ZBTB20: variants seen among roughly 807,000 people sequenced by gnomAD.
The protein encoded by ZBTB20 is zinc finger and BTB domain containing 20.
ZBTB20 carries 9 observed loss-of-function variants against 56.9 expected under a neutral mutation model. The ratio of observed to expected loss-of-function variants is 0.16; its 90% CI spans 0.10 to 0.28. The LOEUF (loss-of-function observed/expected upper bound fraction) is 0.28, where lower values mean the gene tolerates loss of function less well. Among genes scored for constraint, ZBTB20 ranks in the 10% least tolerant of loss-of-function variants. The pLI, the probability that ZBTB20 is intolerant of heterozygous loss-of-function variation, is 1.00. For synonymous variants in ZBTB20, 417 were observed against 420.7 expected (o/e 0.99, Z 0.11); for missense variants, 655 against 1,003.0 (o/e 0.65, Z 4.69).
intron 2 of ZBTB20, among the ~76,000 whole-genome samples, chr3:115,054,397 C>T (rs2081673033): frequency 6.6e-6 from 1 of 152,040 alleles, no homozygotes; most frequent in African/African-American, 2.4e-5. Flanking sequence ...GTAAGTTTCA[C>T]AACCAACGTC....
chr3:114,923,065 T>C (rs1349947789), intron 3 of ZBTB20, among the ~76,000 whole-genome samples: 1 of 152,124 alleles, frequency 6.6e-6, no homozygotes, highest in Non-Finnish European at 1.5e-5. Context: ...TAGACACTGA[T>C]GAAAGAAACT....
rs558652940 is a variant in ZBTB20 at position 114,331,560 on chromosome 3, A to G, written c.*7445T>C. 6 of 152,318 alleles carry G rather than the reference A, an allele frequency of 3.9e-5. 1 individual carries two copies. The East Asian group carries it at 7.7e-4, about 20-fold the overall frequency. The allele number at this position is 152,318 out of a possible 1,614,324, so 9.4% of individuals were successfully genotyped here. On this transcript the variant is annotated 3_prime_UTR_variant, in exon 12 of 12. Transcript: ENST00000675478. The stretch of plus-strand genomic sequence containing the variant: ...GGGGCACACACACTTCCAGATGACA[A>G]TAAGTATATACACAAACACACACAT...
intron 5 of ZBTB20, among the ~76,000 whole-genome samples, chr3:114,733,200 T>C (rs1270279934): frequency 6.6e-6 from 1 of 152,186 alleles, no homozygotes; most frequent in Non-Finnish European, 1.5e-5. Flanking sequence ...TTACGGGTTC[T>C]ATGAATTCAC....
At chr3:114,850,303 T>C (rs1037475007) in intron 4 of ZBTB20, among the ~76,000 whole-genome samples, 9 of 152,164 alleles carry the variant, frequency 5.9e-5, no homozygotes, top group African/African-American at 2.2e-4. Flanking sequence ...ATGGAAAAAG[T>C]TGATATTTCA....
intron 2 of ZBTB20, among the ~76,000 whole-genome samples, chr3:115,055,977 T>C (rs2081766030): frequency 6.6e-6 from 1 of 152,054 alleles, no homozygotes; most frequent in African/African-American, 2.4e-5. Context: ...TATGACTACA[T>C]AAAAATTGAA....
rs1477760843 is a variant in ZBTB20 at position 114,315,909 on chromosome 3, C to T, written c.*23096G>A. The T allele has an allele frequency of 6.5e-6, 1 of 154,834 alleles. No homozygotes were observed. The highest frequency in any genetic ancestry group is 1.4e-5 in the Non-Finnish European group (1 of 70,374). The allele number at this position is 154,834 out of a possible 1,614,324, so 9.6% of individuals were successfully genotyped here. On this transcript the variant is annotated 3_prime_UTR_variant, in exon 12 of 12. Coordinates refer to ENST00000675478, the MANE Select transcript of ZBTB20 (RefSeq NM_001348800.3). ...AAGGTGCTCAAAGAAAAAAGTGGCA[C>T]CCACTTCTCAAATGGATGGCCACGT...
At chr3:114,880,063 A>C (rs2076342130) in intron 4 of ZBTB20, among the ~76,000 whole-genome samples, 1 of 152,246 alleles carries the variant, frequency 6.6e-6, no homozygotes, top group South Asian at 2.1e-4. Flanking sequence ...TGTACCCTGA[A>C]TGTTTCATGA....
At chr3:114,843,460 T>A (rs529589511) in intron 4 of ZBTB20, among the ~76,000 whole-genome samples, 1 of 152,300 alleles carries the variant, frequency 6.6e-6, no homozygotes, top group East Asian at 1.9e-4. Context: ...TTCAAGCCAG[T>A]AAATGGGGAG....
intron 4 of ZBTB20, among the ~76,000 whole-genome samples, chr3:114,840,599 A>C (rs1469706322): frequency 6.6e-6 from 1 of 152,228 alleles, no homozygotes; most frequent in Admixed American, 6.5e-5. Context: ...AGCTTAAGTC[A>C]GATATAGAGT....
chr3:114,673,914 T>G (rs1006032758), intron 6 of ZBTB20, among the ~76,000 whole-genome samples: 1 of 152,138 alleles, frequency 6.6e-6, no homozygotes, highest in Non-Finnish European at 1.5e-5. Context: ...AATCGGTTGC[T>G]TACAATCTGC....
At chr3:114,848,071 C>T (rs186100762) in intron 4 of ZBTB20, among the ~76,000 whole-genome samples, 2 of 152,260 alleles carry the variant, frequency 1.3e-5, no homozygotes, top group Admixed American at 1.3e-4. Flanking sequence ...AGCTGATGCA[C>T]TCTGCAAAGC....
At chr3:115,133,550 G>A (rs1371996670) in intron 1 of ZBTB20, among the ~76,000 whole-genome samples, 1 of 152,044 alleles carries the variant, frequency 6.6e-6, no homozygotes, top group Non-Finnish European at 1.5e-5. Context: ...CCTTCTCCCA[G>A]CCCCTGGCAA....
chr3:115,115,922 G>A (rs1251238913), intron 1 of ZBTB20, among the ~76,000 whole-genome samples: 1 of 151,948 alleles, frequency 6.6e-6, no homozygotes, highest in African/African-American at 2.4e-5. Context: ...ATTTCAAATA[G>A]ACTTCTTGAT....
intron 4 of ZBTB20, among the ~76,000 whole-genome samples, chr3:114,878,691 C>G (rs2076290300): frequency 6.6e-6 from 1 of 151,916 alleles, no homozygotes; most frequent in African/African-American, 2.4e-5. Context: ...CTCTGTAGCT[C>G]TCATCCTTGA....
chr3:114,828,175 A>C (rs753660449), intron 4 of ZBTB20, among the ~76,000 whole-genome samples: 1 of 151,796 alleles, frequency 6.6e-6, no homozygotes, highest in African/African-American at 2.4e-5. Flanking sequence ...TGTCAAATAG[A>C]ATAAATTTCA....
intron 6 of ZBTB20, among the ~76,000 whole-genome samples, chr3:114,514,939 A>T (rs2045818609): frequency 6.6e-6 from 1 of 152,186 alleles, no homozygotes; most frequent in African/African-American, 2.4e-5. Context: ...CTGCTCTTAC[A>T]TGCACAGGTA....
intron 5 of ZBTB20, among the ~76,000 whole-genome samples, chr3:114,765,826 C>A (rs1455578605): frequency 1.3e-5 from 2 of 152,082 alleles, no homozygotes; most frequent in African/African-American, 2.4e-5. Flanking sequence ...TAAATGATTT[C>A]TTTACATGGA....
At chr3:114,529,088 A>C (rs1217072742) in intron 6 of ZBTB20, 1 of 152,158 alleles carries the variant, frequency 6.6e-6, no homozygotes, top group Non-Finnish European at 1.5e-5. Flanking sequence ...CTAATTATTC[A>C]ATAACTGTTT....
intron 3 of ZBTB20, among the ~76,000 whole-genome samples, chr3:114,951,706 T>A (rs2077072658): frequency 6.6e-6 from 1 of 152,034 alleles, no homozygotes; most frequent in South Asian, 2.1e-4. Flanking sequence ...TGACTCAGAA[T>A]CTCATAACAT....
Sources: allele counts gnomAD v4.1 joint callset (sites outside exome capture counted in the v4.1 genomes callset), GRCh38; gene constraint gnomAD v4.1.1; transcripts MANE v1.5; gene names NCBI Gene and HGNC (gene_info 2026-07-23, HGNC 2026-07-21).